Variants in LSR observed in about 807,000 individuals in gnomAD.
The protein encoded by LSR is lipolysis stimulated lipoprotein receptor.
Under a neutral mutation model 61.8 loss-of-function variants are expected in LSR, and 44 were observed. The ratio of observed to expected loss-of-function variants is 0.71; its 90% CI spans 0.56 to 0.91. LSR has a LOEUF of 0.91. Among genes scored for constraint, LSR ranks in the 40% least tolerant of loss-of-function variants. The pLI is 0.00. For missense variants in LSR, 911 were observed against 830.5 expected (o/e 1.10, Z -1.19); for synonymous variants, 397 against 350.6 (o/e 1.13, Z -1.48).
At position 35,267,722 on chromosome 19, in the gene LSR, C is replaced by T. The variant is rs369258572; in HGVS notation, c.1758C>T (p.Arg586=). ...SETDSQASRE[R]RLKKNLALSR... ...CCGACTCGCAGGCGTCCCGAGAGCG[C>T]AGGCTCAAGAAGGTGAGGGCCGCCC... Residue 586 remains arginine (R), a synonymous_variant, in exon 9 of 10, where the codon CGC becomes CGT. Coordinates refer to ENST00000605618, the MANE Select transcript of LSR (RefSeq NM_205834.4). The T allele has an allele frequency of 6.9e-6, 11 of 1,605,024 alleles. No homozygotes were observed. In the African/African-American group the frequency reaches 1.4e-4, roughly 20 times the overall value.
intron 3 of LSR, 60 bp downstream of exon 3, chr19:35,259,124 T>TGCCCTCCCCTGTGTCCGCCCTCTGCCC: frequency 6.4e-7 from 1 of 1,571,518 alleles, no homozygotes; most frequent in Non-Finnish European, 8.6e-7. Context: ...CTGTTCTGTC[T>TGCCCTCCCCTGTGTCCGCCCTCTGCCC]GCCCTCCCCT....
intron 2 of LSR, among the ~76,000 whole-genome samples, chr19:35,254,068 C>T (rs538432059): frequency 2.0e-5 from 3 of 152,206 alleles, no homozygotes; most frequent in Admixed American, 1.3e-4. Context: ...AGTGGACTCC[C>T]CGTGGTGTTC....
rs910861152 is a variant in LSR, at chr19:35,261,924, G to C, written c.575-1G>C. 4 of 1,472,858 alleles carry C rather than the reference G, an allele frequency of 2.7e-6. No homozygotes were observed. The African/African-American group carries it at 5.9e-5, about 22-fold the overall frequency. 91.2% of individuals were successfully genotyped at this position (1,472,858 alleles called of 1,614,324 possible). On this transcript the variant is annotated splice_acceptor_variant, in intron 3 of 9. Transcript: ENST00000605618. LOFTEE classifies it high-confidence loss of function. ...AATCTGTTTCTCTTTTGTCCCTCCA[G>C]GGAGGACCTCAGGGGTGGCTGAGCT...
intron 7 of LSR, 30 bp from the exon 8 acceptor site, chr19:35,266,806 C>A (rs1410971106): frequency 6.2e-7 from 1 of 1,607,068 alleles, no homozygotes; most frequent in African/African-American, 1.3e-5. Context: ...ATCCATCCTC[C>A]CAAACCGACC....
intron 5 of LSR, among the ~76,000 whole-genome samples, chr19:35,266,158 T>C (rs2065995117): frequency 6.6e-6 from 1 of 152,212 alleles, no homozygotes; most frequent in Admixed American, 6.5e-5. Context: ...GGGGTCTCTG[T>C]GAAGCTGGTG....
rs61742235 is a variant in LSR at position 35,267,223 on chromosome 19, C to G, written c.1259C>G (p.Pro420Arg). The change falls in exon 9 of 10, where the codon CCC (proline) becomes CGC (arginine). Residue 420 changes from proline to arginine, a missense_variant. Physicochemically the swap from Pro to Arg is moderately radical, Grantham distance 103. Transcript: ENST00000605618. ...TGGGGTGGCCACTCCCCCCGGAGTC[C>G]CAGGGGATGGGACCAGGAGCCCGCC... ...EEWGGHSPRS[P>R]RGWDQEPARE... The G allele has an allele frequency of 9.8e-6, 15 of 1,523,642 alleles. No individual in the cohort carries two copies. Among genetic ancestry groups the G allele is most frequent in the African/African-American group, 1.4e-5 (1 of 71,886 alleles). The allele number at this position is 1,523,642 out of a possible 1,614,324, so 94.4% of individuals were successfully genotyped here.
At chr19:35,266,614 T>C (rs934292828) in intron 6 of LSR, 65 bp from the exon 7 acceptor site, 12 of 1,598,332 alleles carry the variant, frequency 7.5e-6, no homozygotes, top group Admixed American at 7.0e-5. Flanking sequence ...GAAGGAAGAG[T>C]GTCTTGGGAG....
At position 35,266,351 on chromosome 19, in the gene LSR, C is replaced by T; in HGVS notation, c.779-8C>T. The T allele has an allele frequency of 1.3e-6, 2 of 1,567,432 alleles. No homozygotes were observed. Among genetic ancestry groups the T allele is most frequent in the Non-Finnish European group, 8.7e-7 (1 of 1,155,756 alleles). On this transcript the variant is annotated splice_region_variant and splice_polypyrimidine_tract_variant and intron_variant, in intron 5 of 9. Coordinates refer to ENST00000605618, the MANE Select transcript of LSR (RefSeq NM_205834.4). Reference sequence around the variant, plus strand: ...ATCCCCCTTCTCCTGTTGATTGTGTCCTCACAGTGTATGCCGCCGGCAAAG... The same window carrying T: ...ATCCCCCTTCTCCTGTTGATTGTGTTCTCACAGTGTATGCCGCCGGCAAAG...
At position 35,267,326 on chromosome 19, in the gene LSR, G is replaced by T; in HGVS notation, c.1362G>T (p.Pro454=). 6.4e-7 allele frequency: 1 copy of T among 1,562,766 alleles called. No homozygotes were observed. The highest frequency in any genetic ancestry group is 1.2e-5 in the South Asian group (1 of 86,648). ...TGGACGCCCTGGACGACCTCACCCCGCCGAGCACCGCCGAGTCAGGGAGCA... is the reference window on the plus strand; with the variant it reads ...TGGACGCCCTGGACGACCTCACCCCTCCGAGCACCGCCGAGTCAGGGAGCA... ...RSVDALDDLT[P]PSTAESGSRS... is the part of the protein sequence containing the mutation. The change falls in exon 9 of 10, where the codon CCG becomes CCT. Residue 454 remains proline, a synonymous_variant. Coordinates refer to ENST00000605618, the MANE Select transcript of LSR (RefSeq NM_205834.4).
chr19:35,256,233 CAAAAA>C (rs201712887), intron 2 of LSR, among the ~76,000 whole-genome samples: 1 of 102,718 alleles, frequency 9.7e-6, no homozygotes, highest in Admixed American at 9.8e-5. Context: ...GACTCCATCT[CAAAAA>C]AAAAAAAAAA....
chr19:35,266,592 G>T, intron 6 of LSR, 60 bp downstream of exon 6: 1 of 1,602,554 alleles, frequency 6.2e-7, no homozygotes, highest in African/African-American at 1.3e-5. Context: ...GGACACTGAG[G>T]GGCAGGGGCT....
chr19:35,250,667 G>A lies in LSR; in HGVS notation c.454+8G>A. ...GGATTACCATCACCGGAAGTATGTT[G>A]GGCAGGGCAGGGGGATGAGGCTGGG... On this transcript the variant is annotated splice_region_variant and intron_variant, in intron 2 of 9. Transcript: ENST00000605618. The A allele has an allele frequency of 6.5e-7, 1 of 1,542,684 alleles. No homozygotes were observed. The highest frequency in any genetic ancestry group is 1.2e-5 in the South Asian group (1 of 80,152).
At chr19:35,263,396 C>T (rs1719045041) in intron 5 of LSR, among the ~76,000 whole-genome samples, 1 of 152,152 alleles carries the variant, frequency 6.6e-6, no homozygotes, top group South Asian at 2.1e-4. Context: ...GGGTCTCATT[C>T]TGTCATCCAG....
intron 5 of LSR, chr19:35,263,977 TG>T (rs1266129789): frequency 1.3e-5 from 2 of 151,940 alleles, no homozygotes; most frequent in African/African-American, 4.8e-5. Flanking sequence ...GACTAATTTT[TG>T]TATTTTTAGT....
At chr19:35,262,908 TG>T in intron 5 of LSR, 1 of 589,112 alleles carries the variant, frequency 1.7e-6, no homozygotes, top group South Asian at 2.3e-5. Flanking sequence ...TCTTTTCTTT[TG>T]TAAGTATAAT....
intron 2 of LSR, among the ~76,000 whole-genome samples, chr19:35,257,470 CTG>C (rs2065870090): frequency 1.3e-5 from 2 of 152,270 alleles, no homozygotes; most frequent in South Asian, 4.1e-4. Flanking sequence ...TAGCCAGACA[CTG>C]TTGCAAGGAG....
In LSR at chr19:35,266,423, C is replaced by T; in HGVS notation, c.843C>T (p.Ala281=). Residue 281 remains alanine, a synonymous_variant, in exon 6 of 10, where the codon GCC becomes GCT. Transcript: ENST00000605618. ...VPSIYAPSTY[A]HLSPAKTPPP... The stretch of plus-strand genomic sequence containing the variant: ...GCATTTATGCCCCCAGCACCTATGC[C>T]CACCTGTCTCCCGCCAAGACCCCAC... The T allele has an allele frequency of 6.2e-7, 1 of 1,612,046 alleles. No individual in the cohort carries two copies. The highest frequency in any genetic ancestry group is 8.5e-7 in the Non-Finnish European group (1 of 1,178,872).
Position 35,267,321 on chromosome 19 carries a change from A to C in LSR, c.1357A>C (p.Thr453Pro), listed in dbSNP as rs1008115413. The C allele has an allele frequency of 4.5e-6, 7 of 1,555,434 alleles. No individual in the cohort carries two copies. Among genetic ancestry groups the C allele is most frequent in the African/African-American group, 1.4e-5 (1 of 73,324 alleles). ...CTCCGTGGACGCCCTGGACGACCTC[A>C]CCCCGCCGAGCACCGCCGAGTCAGG... ...ARSVDALDDL[T>P]PPSTAESGSR... Residue 453 changes from threonine (T) to proline (P), a missense_variant, in exon 9 of 10, where the codon ACC (threonine) becomes CCC (proline). By Grantham distance (38) the Thr-to-Pro change is conservative. Coordinates refer to ENST00000605618, the MANE Select transcript of LSR (RefSeq NM_205834.4).
chr19:35,261,985 C>G lies in LSR; in HGVS notation c.631+4C>G, dbSNP rs1010630394. 6.6e-7 allele frequency: 1 copy of G among 1,517,130 alleles called. No individual in the cohort carries two copies. The highest frequency in any genetic ancestry group is 1.5e-5 in the African/African-American group (1 of 68,266). The allele number at this position is 1,517,130 out of a possible 1,614,324, so 94.0% of individuals were successfully genotyped here. Reference sequence around the variant, plus strand: ...TTTCAGGCGGGGCCCATAGAAGGTACGGGGGGTGGATCCTGAGTTGGGCTT... The same window carrying G: ...TTTCAGGCGGGGCCCATAGAAGGTAGGGGGGGTGGATCCTGAGTTGGGCTT... On this transcript the variant is annotated splice_donor_region_variant and intron_variant, in intron 4 of 9. Coordinates refer to ENST00000605618, the MANE Select transcript of LSR (RefSeq NM_205834.4).
Sources: gnomAD v4.1 joint callset for allele counts (sites outside exome capture counted in the v4.1 genomes callset) on GRCh38, gnomAD v4.1.1 for gene constraint, MANE v1.5 for transcripts, NCBI Gene and HGNC (gene_info 2026-07-23, HGNC 2026-07-21) for gene names.